The following NSMCE2 variants were observed in gnomAD, a reference collection of about 807,000 sequenced individuals.
NSMCE2 encodes E3 SUMO-protein ligase NSE2.
NSMCE2 carries 24 observed loss-of-function variants against 23.8 expected under a neutral mutation model. That is an observed-to-expected ratio of 1.01 (90% CI 0.73 to 1.42). The LOEUF is 1.42. Among genes scored for constraint, NSMCE2 ranks in the 40% most tolerant of loss-of-function variants. The pLI is 0.00. For synonymous variants in NSMCE2, 92 were observed against 94.1 expected (o/e 0.98, Z 0.13); for missense variants, 284 against 296.5 (o/e 0.96, Z 0.31).
At chr8:125,293,927 A>C (rs1174940598) in intron 5 of NSMCE2, among the ~76,000 whole-genome samples, 4 of 152,232 alleles carry the variant, frequency 2.6e-5, no homozygotes, top group African/African-American at 9.6e-5. Flanking sequence ...ATTTTCAAAA[A>C]GAAATCCTGT....
intron 7 of NSMCE2, among the ~76,000 whole-genome samples, chr8:125,359,594 A>G (rs1306905778): frequency 6.6e-6 from 1 of 152,038 alleles, no homozygotes; most frequent in African/African-American, 2.4e-5. Flanking sequence ...CGGCCTCCCA[A>G]AGTGTTGGGA....
At chr8:125,220,909 G>A (rs1445646778) in intron 5 of NSMCE2, among the ~76,000 whole-genome samples, 1 of 152,132 alleles carries the variant, frequency 6.6e-6, no homozygotes, top group Non-Finnish European at 1.5e-5. Context: ...TTATTCTGTG[G>A]TTAAAGAGAT....
At chr8:125,342,645 T>A (rs1830291916) in intron 5 of NSMCE2, among the ~76,000 whole-genome samples, 1 of 151,848 alleles carries the variant, frequency 6.6e-6, no homozygotes, top group South Asian at 2.1e-4. Context: ...TCCCTCCCTC[T>A]TTCCCTCCCT....
intron 3 of NSMCE2, among the ~76,000 whole-genome samples, chr8:125,148,321 T>C (rs1271494902): frequency 6.6e-6 from 1 of 152,220 alleles, no homozygotes; most frequent in African/African-American, 2.4e-5. Context: ...CAGCTTACTA[T>C]CTGGCTCAGG....
chr8:125,302,657 G>GAT (rs1338556961), intron 5 of NSMCE2, among the ~76,000 whole-genome samples: 3 of 152,178 alleles, frequency 2.0e-5, no homozygotes, highest in Non-Finnish European at 4.4e-5. Flanking sequence ...TTAGAACAAT[G>GAT]ATATAAAGCA....
intron 5 of NSMCE2, among the ~76,000 whole-genome samples, chr8:125,293,241 C>T (rs1275410407): frequency 6.6e-6 from 1 of 152,154 alleles, no homozygotes; most frequent in Non-Finnish European, 1.5e-5. Context: ...GGATCTTGTC[C>T]ATTAATCCAC....
At chr8:125,317,889 T>C (rs1285127392) in intron 5 of NSMCE2, among the ~76,000 whole-genome samples, 2 of 152,212 alleles carry the variant, frequency 1.3e-5, no homozygotes, top group African/African-American at 4.8e-5. Flanking sequence ...GTTAAAAAAT[T>C]ATTTATGATA....
At chr8:125,212,040 G>A (rs1038503298) in intron 5 of NSMCE2, among the ~76,000 whole-genome samples, 20 of 152,138 alleles carry the variant, frequency 1.3e-4, no homozygotes, top group African/African-American at 4.6e-4. Context: ...GCCTAAGTGG[G>A]CAAAGTCCAT....
intron 5 of NSMCE2, among the ~76,000 whole-genome samples, chr8:125,270,088 C>G (rs1487481312): frequency 6.6e-6 from 1 of 152,048 alleles, no homozygotes; most frequent in Non-Finnish European, 1.5e-5. Context: ...GAGAGTGTAG[C>G]TAGAATATAA....
At chr8:125,301,652 A>ATT (rs67825410) in intron 5 of NSMCE2, among the ~76,000 whole-genome samples, 3,193 of 110,646 alleles carry the variant, frequency 0.029, 168 homozygotes, top group African/African-American at 0.097. Context: ...CATACAAGCC[A>ATT]TTTTTTTTTT....
intron 3 of NSMCE2, among the ~76,000 whole-genome samples, chr8:125,144,294 C>A (rs771906412): frequency 6.6e-6 from 1 of 152,216 alleles, no homozygotes; most frequent in African/African-American, 2.4e-5. Context: ...AAGCACATCA[C>A]TTCTGTCCCT....
At chr8:125,173,448 A>G (rs1018616932) in intron 4 of NSMCE2, among the ~76,000 whole-genome samples, 1 of 152,176 alleles carries the variant, frequency 6.6e-6, no homozygotes, top group African/African-American at 2.4e-5. Context: ...GGGAGACACC[A>G]CCCTATCTAA....
At position 125,094,834 on chromosome 8, in the gene NSMCE2, C is replaced by T. The variant is rs78757514; in HGVS notation, c.-111+2876C>T. 2.0e-3 allele frequency among the ~76,000 whole-genome samples: 309 copies of T among 152,220 alleles called. 3 individuals carry two copies. The East Asian group carries it at 0.055, about 27-fold the overall frequency. ...GAGAGAGAGAGAGAGCAGTCCCTGG[C>T]GTCTCTTCCTTTTCTTTTCTTTTCT... On this transcript the variant is annotated intron_variant, in intron 1 of 7. Transcript: ENST00000287437.
chr8:125,102,188 C>A, intron 2 of NSMCE2, 42 bp downstream of exon 2: 1 of 672,782 alleles, frequency 1.5e-6, no homozygotes, highest in Non-Finnish European at 2.6e-6. Context: ...ATAGGATATA[C>A]AGAATAGTGT....
intron 5 of NSMCE2, among the ~76,000 whole-genome samples, chr8:125,286,920 T>C (rs990464694): frequency 7.9e-5 from 12 of 152,198 alleles, no homozygotes; most frequent in African/African-American, 2.4e-4. Context: ...CTGTGTTTGA[T>C]TGTTTATCTC....
intron 5 of NSMCE2, among the ~76,000 whole-genome samples, chr8:125,329,636 G>A (rs1410613356): frequency 6.6e-6 from 1 of 152,090 alleles, no homozygotes; most frequent in South Asian, 2.1e-4. Flanking sequence ...GAGTCTGGGG[G>A]CCCTTTTTAA....
chr8:125,321,410 A>G (rs904491615), intron 5 of NSMCE2, among the ~76,000 whole-genome samples: 1 of 152,236 alleles, frequency 6.6e-6, no homozygotes, highest in Non-Finnish European at 1.5e-5. Flanking sequence ...TAAGGCTCTT[A>G]CACTATAGAG....
rs540596999 is a variant in NSMCE2 at position 125,333,267 on chromosome 8, C to A, written c.419-23952C>A. Among the ~76,000 whole-genome samples, 9 of 150,952 alleles carry A rather than the reference C, an allele frequency of 6.0e-5. No individual in the cohort carries two copies. The South Asian group carries it at 1.7e-3, about 28-fold the overall frequency. On this transcript the variant is annotated intron_variant, in intron 5 of 7. Transcript: ENST00000287437. ...TCACTGCAGCTTTGACCTCCTGGGC[C>A]CAAGTAATCCTCCCCATTCAGCCTC...
At chr8:125,178,953 A>G (rs1822643481) in intron 4 of NSMCE2, among the ~76,000 whole-genome samples, 1 of 152,164 alleles carries the variant, frequency 6.6e-6, no homozygotes, top group African/African-American at 2.4e-5. Flanking sequence ...TTAAGAGGAA[A>G]TTTGGACACA....
Sources: allele counts gnomAD v4.1 joint callset (sites outside exome capture counted in the v4.1 genomes callset), GRCh38; gene constraint gnomAD v4.1.1; transcripts MANE v1.5; gene names NCBI Gene and HGNC (gene_info 2026-07-23, HGNC 2026-07-21).